The following GULP1 variants were observed in gnomAD, a reference collection of about 807,000 sequenced individuals.
GULP1 encodes GULP PTB domain containing engulfment adaptor 1.
Under a neutral mutation model 40.9 loss-of-function variants are expected in GULP1, and 19 were observed. The ratio of observed to expected loss-of-function variants is 0.46; its 90% CI spans 0.32 to 0.68. The LOEUF (loss-of-function observed/expected upper bound fraction) is 0.68, where lower values mean the gene tolerates loss of function less well. GULP1 is among the 30% of genes least tolerant of loss of function. GULP1 has a pLI of 0.03. For missense variants in GULP1, 312 were observed against 362.2 expected (o/e 0.86, Z 1.12); for synonymous variants, 119 against 117.6 (o/e 1.01, Z -0.08).
At chr2:188,445,831 A>C (rs1488558696) in intron 2 of GULP1, among the ~76,000 whole-genome samples, 1 of 152,154 alleles carries the variant, frequency 6.6e-6, no homozygotes, top group Non-Finnish European at 1.5e-5. Flanking sequence ...CAGGTTTTCT[A>C]ATCTCTGGAT....
chr2:188,534,740 C>T (rs73042428), intron 6 of GULP1, among the ~76,000 whole-genome samples: 3,253 of 152,002 alleles, frequency 0.021, 107 homozygotes, highest in African/African-American at 0.074. Context: ...ATTTTTATTG[C>T]GGAAAATCAT....
At chr2:188,452,852 T>C (rs1180558919) in intron 2 of GULP1, among the ~76,000 whole-genome samples, 1 of 152,232 alleles carries the variant, frequency 6.6e-6, no homozygotes, top group African/African-American at 2.4e-5. Flanking sequence ...TCAAAAGTAG[T>C]AAATCATATT....
intron 1 of GULP1, among the ~76,000 whole-genome samples, chr2:188,352,381 T>A (rs780202482): frequency 2.0e-5 from 3 of 152,088 alleles, no homozygotes; most frequent in Non-Finnish European, 4.4e-5. Context: ...TCTTACTGGC[T>A]ATTCTTGGAT....
At chr2:188,538,943 T>A (rs1345533014) in intron 6 of GULP1, among the ~76,000 whole-genome samples, 1 of 152,148 alleles carries the variant, frequency 6.6e-6, no homozygotes, top group Non-Finnish European at 1.5e-5. Flanking sequence ...ACAGGATTTT[T>A]AAATATATTA....
At chr2:188,580,696 A>C (rs577226770) in intron 9 of GULP1, among the ~76,000 whole-genome samples, 1 of 152,214 alleles carries the variant, frequency 6.6e-6, no homozygotes, top group Non-Finnish European at 1.5e-5. Context: ...TTAATCTCTC[A>C]CTTTACATGG....
intron 2 of GULP1, among the ~76,000 whole-genome samples, chr2:188,429,717 T>C (rs1004131728): frequency 3.9e-5 from 6 of 152,074 alleles, no homozygotes; most frequent in African/African-American, 7.2e-5. Context: ...TTTGTTGTTT[T>C]TTTTTTTAAG....
rs2054875427 is a variant in GULP1 at position 188,418,382 on chromosome 2, A to G, written c.-45+34493A>G. 3.3e-5 allele frequency among the ~76,000 whole-genome samples: 5 copies of G among 152,266 alleles called. No individual in the cohort carries two copies. The South Asian group carries it at 1.0e-3, about 32-fold the overall frequency. Reference sequence around the variant, plus strand: ...CACAGTGGCTCATGCCTGTAATCCCAGCACTTTGGGAGGCCAAGGTGGCCG... The same window carrying G: ...CACAGTGGCTCATGCCTGTAATCCCGGCACTTTGGGAGGCCAAGGTGGCCG... On this transcript the variant is annotated intron_variant, in intron 2 of 11. Coordinates refer to ENST00000409830, the MANE Select transcript of GULP1 (RefSeq NM_016315.4).
chr2:188,407,924 A>G (rs2053340928), intron 2 of GULP1, among the ~76,000 whole-genome samples: 1 of 152,222 alleles, frequency 6.6e-6, no homozygotes, highest in South Asian at 2.1e-4. Flanking sequence ...AAGTACACAC[A>G]CAGATTAAAA....
At chr2:188,424,357 G>A (rs2152784239) in intron 2 of GULP1, among the ~76,000 whole-genome samples, 1 of 151,948 alleles carries the variant, frequency 6.6e-6, no homozygotes, top group South Asian at 2.1e-4. Context: ...AAAGTACACA[G>A]AGTAGTGTAA....
At chr2:188,477,279 G>A (rs568287653) in intron 2 of GULP1, among the ~76,000 whole-genome samples, 11 of 152,092 alleles carry the variant, frequency 7.2e-5, no homozygotes, top group South Asian at 4.1e-4. Flanking sequence ...TAATAAACAC[G>A]AAACTCTTCT....
chr2:188,548,378 T>C (rs79264899), intron 7 of GULP1, among the ~76,000 whole-genome samples: 1,701 of 152,138 alleles, frequency 0.011, 38 homozygotes, highest in African/African-American at 0.038. Flanking sequence ...GTGGAATACA[T>C]AGGTATAAGT....
At chr2:188,530,686 A>C (rs1295265534) in intron 6 of GULP1, among the ~76,000 whole-genome samples, 1 of 152,156 alleles carries the variant, frequency 6.6e-6, no homozygotes, top group East Asian at 1.9e-4. Flanking sequence ...CGACACCTTG[A>C]TCTTAGACTT....
At chr2:188,541,464 T>C (rs1417292185) in intron 7 of GULP1, 146 bp downstream of exon 7, 2 of 745,648 alleles carry the variant, frequency 2.7e-6, no homozygotes, top group Non-Finnish European at 2.4e-6. Context: ...GCTGTACTAA[T>C]AGATTTATTT....
At chr2:188,558,057 G>A (rs1050784892) in intron 7 of GULP1, among the ~76,000 whole-genome samples, 1 of 152,158 alleles carries the variant, frequency 6.6e-6, no homozygotes, top group Non-Finnish European at 1.5e-5. Context: ...TTCCCCCATT[G>A]TCTTGGCTGT....
At chr2:188,347,685 C>T (rs1209435140) in intron 1 of GULP1, among the ~76,000 whole-genome samples, 1 of 148,076 alleles carries the variant, frequency 6.8e-6, no homozygotes, top group Admixed American at 6.9e-5. Flanking sequence ...GTGATCATGG[C>T]TCACTGCAAC....
intron 2 of GULP1, among the ~76,000 whole-genome samples, chr2:188,458,028 C>G (rs1463046606): frequency 6.6e-6 from 1 of 152,126 alleles, no homozygotes; most frequent in East Asian, 1.9e-4. Flanking sequence ...TCATCATACT[C>G]AGAACTAATA....
chr2:188,408,925 A>C (rs1308887436), intron 2 of GULP1, among the ~76,000 whole-genome samples: 1 of 152,230 alleles, frequency 6.6e-6, no homozygotes, highest in Non-Finnish European at 1.5e-5. Flanking sequence ...ATTGAAAATT[A>C]AAAAATATCT....
chr2:188,416,229 T>C (rs1219670908), intron 2 of GULP1, among the ~76,000 whole-genome samples: 1 of 152,150 alleles, frequency 6.6e-6, no homozygotes, highest in Non-Finnish European at 1.5e-5. Context: ...CCCACACTAC[T>C]TTCTTCTTTT....
intron 1 of GULP1, among the ~76,000 whole-genome samples, chr2:188,303,749 A>G (rs932592698): frequency 1.3e-5 from 2 of 152,218 alleles, no homozygotes; most frequent in Admixed American, 6.5e-5. Context: ...GACCTCCTAC[A>G]TTACTGTGAT....
Sources: allele counts gnomAD v4.1 joint callset (sites outside exome capture counted in the v4.1 genomes callset), GRCh38; gene constraint gnomAD v4.1.1; transcripts MANE v1.5; gene names NCBI Gene and HGNC (gene_info 2026-07-23, HGNC 2026-07-21).